CFAP300: variants seen among roughly 807,000 people sequenced by gnomAD.
The protein encoded by CFAP300 is cilia and flagella associated protein 300.
In CFAP300, 32 loss-of-function variants were observed where a neutral mutation model predicts 33.0. The ratio of observed to expected loss-of-function variants is 0.97; its 90% CI spans 0.73 to 1.30. CFAP300 has a LOEUF of 1.30. Ranked by LOEUF, CFAP300 falls within the 50% of genes most tolerant of loss-of-function variation. The pLI is 0.00. For missense variants in CFAP300, 356 were observed against 318.1 expected (o/e 1.12, Z -0.90); for synonymous variants, 102 against 106.8 (o/e 0.95, Z 0.28).
At chr11:102,062,412 T>C (rs1320736277) in intron 3 of CFAP300, among the ~76,000 whole-genome samples, 1 of 152,150 alleles carries the variant, frequency 6.6e-6, no homozygotes, top group Admixed American at 6.5e-5. Flanking sequence ...GAGGTGCATG[T>C]ATACGGACAC....
intron 6 of CFAP300, 41 bp downstream of exon 6, chr11:102,081,322 CT>C: frequency 1.3e-6 from 2 of 1,511,244 alleles, no homozygotes; most frequent in Non-Finnish European, 9.2e-7. Context: ...AATTTAATTA[CT>C]TTTTATTAAT....
At chr11:102,048,240 CT>C (rs1164259226) in intron 2 of CFAP300, among the ~76,000 whole-genome samples, 12 of 151,992 alleles carry the variant, frequency 7.9e-5, no homozygotes, top group Admixed American at 7.9e-4. Context: ...ATTTTATTTA[CT>C]TATTTTTTGA....
At chr11:102,064,813 GTAA>G (rs1004070029) in intron 3 of CFAP300, among the ~76,000 whole-genome samples, 22 of 152,082 alleles carry the variant, frequency 1.4e-4, no homozygotes, top group African/African-American at 5.3e-4. Context: ...ATCGATGGAG[GTAA>G]TAATAAAAAT....
At chr11:102,051,759 G>A (rs1036837142) in intron 2 of CFAP300, among the ~76,000 whole-genome samples, 2 of 151,568 alleles carry the variant, frequency 1.3e-5, no homozygotes, top group Non-Finnish European at 2.9e-5. Context: ...ATGTTGCCCG[G>A]GCTGGTCTCA....
intron 6 of CFAP300, chr11:102,081,525 A>C: frequency 1.8e-6 from 1 of 551,516 alleles, no homozygotes. Context: ...TTTAGAGCTA[A>C]ATCTGTGACT....
chr11:102,061,673 A>T (rs1193040782), intron 3 of CFAP300, among the ~76,000 whole-genome samples: 1 of 152,220 alleles, frequency 6.6e-6, no homozygotes, highest in Non-Finnish European at 1.5e-5. Context: ...GCATAAGCTA[A>T]GTAATGTGTG....
intron 5 of CFAP300, among the ~76,000 whole-genome samples, chr11:102,077,253 C>T (rs1263274657): frequency 1.3e-5 from 2 of 152,192 alleles, no homozygotes; most frequent in Non-Finnish European, 2.9e-5. Context: ...AGTTTAGAAC[C>T]TACACATTGA....
intron 2 of CFAP300, among the ~76,000 whole-genome samples, chr11:102,048,309 C>T (rs1230487256): frequency 6.6e-6 from 1 of 152,140 alleles, no homozygotes; most frequent in Non-Finnish European, 1.5e-5. Context: ...CATCTCAGCT[C>T]ACTGCAGCCT....
chr11:102,055,806 G>C (rs983799455), intron 2 of CFAP300, among the ~76,000 whole-genome samples: 1 of 151,418 alleles, frequency 6.6e-6, no homozygotes, highest in Non-Finnish European at 1.5e-5. Context: ...CCGAGTAGCT[G>C]GGACTACAGG....
chr11:102,056,587 G>T (rs895786333), intron 2 of CFAP300, among the ~76,000 whole-genome samples: 1 of 151,948 alleles, frequency 6.6e-6, no homozygotes, highest in Admixed American at 6.6e-5. Flanking sequence ...TTGGCTATTT[G>T]TGGGGTTTTT....
chr11:102,048,666 C>T (rs892828555), intron 2 of CFAP300, among the ~76,000 whole-genome samples: 15 of 152,206 alleles, frequency 9.9e-5, no homozygotes, highest in Admixed American at 8.5e-4. Flanking sequence ...AGGAATTCCC[C>T]CAAAAAAGTA....
intron 3 of CFAP300, 49 bp downstream of exon 3, chr11:102,059,004 A>G (rs1325328960): frequency 1.7e-6 from 2 of 1,162,578 alleles, no homozygotes; most frequent in African/African-American, 3.2e-5. Context: ...ATTATAAGAA[A>G]ATTTTGCCTC....
chr11:102,053,194 A>G (rs1404068527), intron 2 of CFAP300, among the ~76,000 whole-genome samples: 1 of 151,764 alleles, frequency 6.6e-6, no homozygotes, highest in Admixed American at 6.6e-5. Flanking sequence ...GCGCCATTGC[A>G]CTCCAGCCTG....
chr11:102,047,551 T>TAG lies in CFAP300; in HGVS notation c.82_83insGA (p.Lys28ArgfsTer50), dbSNP rs1941897401. ...AGAAAACCTTCCAGTCTCTGAGCTCTAAGGAGATCACCAGCCGGCTCCGCC... is the reference window on the plus strand; with the variant it reads ...AGAAAACCTTCCAGTCTCTGAGCTCTAGAAGGAGATCACCAGCCGGCTCCGCC... On this transcript the variant is annotated frameshift_variant, in exon 1 of 7. Coordinates refer to ENST00000434758, the MANE Select transcript of CFAP300 (RefSeq NM_032930.3). LOFTEE classifies it high-confidence loss of function. 6.5e-7 allele frequency: 1 copy of TAG among 1,535,892 alleles called. No individual in the cohort carries two copies. Among genetic ancestry groups the TAG allele is most frequent in the Admixed American group, 2.0e-5 (1 of 50,984 alleles).
At chr11:102,074,925 T>A (rs1436899556) in intron 4 of CFAP300, among the ~76,000 whole-genome samples, 1 of 151,280 alleles carries the variant, frequency 6.6e-6, no homozygotes, top group Non-Finnish European at 1.5e-5. Context: ...CAGGCTGGCC[T>A]CAAGCTCCTG....
rs779929130 is a variant in CFAP300, at chr11:102,066,568, G to A, written c.352G>A (p.Asp118Asn). 1.2e-6 allele frequency: 2 copies of A among 1,611,098 alleles called. No individual in the cohort carries two copies. Among genetic ancestry groups the A allele is most frequent in the East Asian group, 2.2e-5 (1 of 44,698 alleles). ...MSFFHRLYDEDIVRDSGHIVK... is the reference protein window; with the variant it reads ...MSFFHRLYDENIVRDSGHIVK... The stretch of plus-strand genomic sequence containing the variant: ...ATTTTTTCATCGGTTATATGATGAA[G>A]ATATTGTACGAGACAGTGGACATAT... The change falls in exon 4 of 7, where the codon GAT becomes AAT. Residue 118 changes from aspartate (D) to asparagine (N), a missense_variant. Transcript: ENST00000434758.
chr11:102,060,784 A>G (rs1225089362), intron 3 of CFAP300, among the ~76,000 whole-genome samples: 1 of 152,202 alleles, frequency 6.6e-6, no homozygotes, highest in East Asian at 1.9e-4. Flanking sequence ...GTATTAGTCA[A>G]GAACAAGATT....
chr11:102,066,583 A>G lies in CFAP300; in HGVS notation c.367A>G (p.Ser123Gly), dbSNP rs368772756. ...RLYDEDIVRD[S>G]GHIVKCLDSF... ...ATATGATGAAGATATTGTACGAGAC[A>G]GTGGACATATTGTTAAATGTTTAGA... The change falls in exon 4 of 7, where the codon AGT (serine) becomes GGT (glycine). Residue 123 changes from serine to glycine, a missense_variant. Coordinates refer to ENST00000434758, the MANE Select transcript of CFAP300 (RefSeq NM_032930.3). The G allele has an allele frequency of 6.8e-6, 11 of 1,611,246 alleles. No homozygotes were observed. The highest frequency in any genetic ancestry group is 8.5e-6 in the Non-Finnish European group (10 of 1,179,068).
Position 102,047,817 on chromosome 11 carries a change from C to A in CFAP300, c.113C>A (p.Ser38Tyr). The change falls in exon 2 of 7, where the codon TCC becomes TAC. Residue 38 changes from serine to tyrosine, a missense_variant and splice_region_variant. Coordinates refer to ENST00000434758, the MANE Select transcript of CFAP300 (RefSeq NM_032930.3). ...KEITSRLRQW[S>Y]MLGRIKAQAF... ...TTCTTTTTCCTCCTCTGCCCCAGGT[C>A]CATGCTGGGCAGAATCAAGGCGCAG... 1 of 1,614,048 alleles carries A rather than the reference C, an allele frequency of 6.2e-7. No homozygotes were observed. Among genetic ancestry groups the A allele is most frequent in the Non-Finnish European group, 8.5e-7 (1 of 1,179,996 alleles).
Sources: allele counts gnomAD v4.1 joint callset (sites outside exome capture counted in the v4.1 genomes callset), GRCh38; gene constraint gnomAD v4.1.1; transcripts MANE v1.5; gene names NCBI Gene and HGNC (gene_info 2026-07-23, HGNC 2026-07-21).